The following CYP19A1 variants were observed in gnomAD, a reference collection of about 807,000 sequenced individuals.
CYP19A1 encodes the protein aromatase.
Under a neutral mutation model 44.4 loss-of-function variants are expected in CYP19A1, and 32 were observed. The ratio of observed to expected loss-of-function variants is 0.72; its 90% CI spans 0.54 to 0.97. The LOEUF (loss-of-function observed/expected upper bound fraction) is 0.97. Among genes scored for constraint, CYP19A1 ranks in the 50% least tolerant of loss-of-function variants. The probability of loss-of-function intolerance (pLI) is 0.00; values close to 1 mark genes in which losing one functional copy is unlikely to be tolerated. For missense variants in CYP19A1, 598 were observed against 637.8 expected (o/e 0.94, Z 0.67); for synonymous variants, 212 against 215.6 (o/e 0.98, Z 0.14).
rs3759811 is a variant in CYP19A1 at position 51,237,068 on chromosome 15, T to C, written c.146-59A>G. 753,800 of 1,594,836 alleles carry C rather than the reference T, an allele frequency of 0.47. 184,042 individuals carry two copies. The highest frequency in any genetic ancestry group is 0.51 in the Non-Finnish European group (594,665 of 1,164,812). On this transcript the variant is annotated intron_variant, in intron 2 of 9. Transcript: ENST00000396402. ...AGTTACACCAAAAATTGCAACTGTT[T>C]TGTGTTACTCCTGTTTTTGTTCTTT...
At chr15:51,319,964 G>A (rs1243006903) in intron 1 of CYP19A1, among the ~76,000 whole-genome samples, 2 of 152,206 alleles carry the variant, frequency 1.3e-5, no homozygotes, top group African/African-American at 4.8e-5. Context: ...CCTTCTGAGG[G>A]TCACAGAGCG....
In CYP19A1 at chr15:51,311,801, C is replaced by G. The variant is rs145027053; in HGVS notation, c.-39+26694G>C. Reference sequence around the variant, plus strand: ...GAGTCAGACCTCTGGGGATTTTAACCCTGGCTCACTGACATGTGTGAGGGC... The same window carrying G: ...GAGTCAGACCTCTGGGGATTTTAACGCTGGCTCACTGACATGTGTGAGGGC... On this transcript the variant is annotated intron_variant, in intron 1 of 9. Coordinates refer to ENST00000396402, the MANE Select transcript of CYP19A1 (RefSeq NM_000103.4). Among the ~76,000 whole-genome samples, 6 of 152,242 alleles carry G rather than the reference C, an allele frequency of 3.9e-5. No individual in the cohort carries two copies. In the East Asian group the frequency reaches 1.2e-3, roughly 29 times the overall value.
At chr15:51,212,218 A>G (rs2031065535) in intron 9 of CYP19A1, 102 bp downstream of exon 9, 2 of 885,618 alleles carry the variant, frequency 2.3e-6, no homozygotes, top group Admixed American at 3.4e-5. Flanking sequence ...GGAATGAGTA[A>G]GAAAAATGAA....
chr15:51,316,567 C>A (rs2036429841), intron 1 of CYP19A1, among the ~76,000 whole-genome samples: 1 of 151,898 alleles, frequency 6.6e-6, no homozygotes, highest in Non-Finnish European at 1.5e-5. Flanking sequence ...TCCCAGTCTC[C>A]CCTATCAATT....
intron 1 of CYP19A1, among the ~76,000 whole-genome samples, chr15:51,290,710 C>G (rs530026002): frequency 2.0e-4 from 30 of 152,354 alleles, no homozygotes; most frequent in African/African-American, 7.2e-4. Context: ...TCAGAATTAA[C>G]GTAGAAGCCC....
At chr15:51,247,625 C>T (rs952080875) in intron 1 of CYP19A1, among the ~76,000 whole-genome samples, 5 of 152,136 alleles carry the variant, frequency 3.3e-5, no homozygotes, top group African/African-American at 4.8e-5. Context: ...GTATGCACCA[C>T]CATGCCCAGT....
At chr15:51,267,669 C>T (rs1031942288) in intron 1 of CYP19A1, among the ~76,000 whole-genome samples, 1 of 152,240 alleles carries the variant, frequency 6.6e-6, no homozygotes, top group Non-Finnish European at 1.5e-5. Flanking sequence ...CAAGCATCCA[C>T]TGTGTTATTG....
intron 1 of CYP19A1, among the ~76,000 whole-genome samples, chr15:51,304,258 T>G (rs1217364918): frequency 6.6e-6 from 1 of 152,210 alleles, no homozygotes; most frequent in Non-Finnish European, 1.5e-5. Context: ...CACTCCCTGG[T>G]GCTAAATTTG....
chr15:51,276,147 G>A (rs994127638), intron 1 of CYP19A1, among the ~76,000 whole-genome samples: 6 of 152,204 alleles, frequency 3.9e-5, no homozygotes, highest in African/African-American at 9.6e-5. Flanking sequence ...GTAAGTGCGT[G>A]TCTCAGAAAT....
intron 2 of CYP19A1, among the ~76,000 whole-genome samples, chr15:51,238,528 G>T (rs1212295057): frequency 6.6e-6 from 1 of 152,082 alleles, no homozygotes. Context: ...TCGCTCTGTT[G>T]CCCAGGCTGT....
intron 1 of CYP19A1, among the ~76,000 whole-genome samples, chr15:51,250,386 T>A (rs947980580): frequency 6.6e-6 from 1 of 152,224 alleles, no homozygotes; most frequent in South Asian, 2.1e-4. Flanking sequence ...ATTGGCTGAC[T>A]ACCAGCAAGC....
chr15:51,297,024 A>G (rs1180510133), intron 1 of CYP19A1, among the ~76,000 whole-genome samples: 1 of 152,196 alleles, frequency 6.6e-6, no homozygotes, highest in Non-Finnish European at 1.5e-5. Context: ...GCAGGAGGCC[A>G]AGACTTTTTG....
rs927059468 is a variant in CYP19A1 at position 51,287,285 on chromosome 15, T to C, written c.-38-44335A>G. ...AGAAAAAACAACCGAGGCTCCTCAG[T>C]CAAGGGAGAAGAAAGCTAAACATTG... On this transcript the variant is annotated intron_variant, in intron 1 of 9. Coordinates refer to ENST00000396402, the MANE Select transcript of CYP19A1 (RefSeq NM_000103.4). Among the ~76,000 whole-genome samples, 8 of 152,266 alleles carry C rather than the reference T, an allele frequency of 5.3e-5. No individual in the cohort carries two copies. In the East Asian group the frequency reaches 1.3e-3, roughly 26 times the overall value.
chr15:51,212,246 A>G (rs2031068438), intron 9 of CYP19A1, 74 bp downstream of exon 9: 1 of 1,050,514 alleles, frequency 9.5e-7, no homozygotes. Context: ...TGGTGCAAAC[A>G]CAAAGAACCA....
At chr15:51,213,982 C>T (rs2031304876) in intron 8 of CYP19A1, among the ~76,000 whole-genome samples, 1 of 152,196 alleles carries the variant, frequency 6.6e-6, no homozygotes, top group African/African-American at 2.4e-5. Flanking sequence ...ATCTACCTTG[C>T]CTGGAAACTT....
At chr15:51,235,088 G>C (rs532135535) in intron 3 of CYP19A1, among the ~76,000 whole-genome samples, 31 of 152,322 alleles carry the variant, frequency 2.0e-4, no homozygotes, top group African/African-American at 7.5e-4. Context: ...AAACACCAGT[G>C]CTTCCAGGAT....
Position 51,211,074 on chromosome 15 carries a change from C to G in CYP19A1, c.1264-18G>C. On this transcript the variant is annotated intron_variant, in intron 9 of 9. Coordinates refer to ENST00000396402, the MANE Select transcript of CYP19A1 (RefSeq NM_000103.4). ...TAAGGAACCTATGAAAATGATCAGA[C>G]AGTTAGCCAGAATATTAAAGGCTAG... 9 of 1,539,292 alleles carry G rather than the reference C, an allele frequency of 5.8e-6. No homozygotes were observed. Among genetic ancestry groups the G allele is most frequent in the Non-Finnish European group, 6.3e-6 (7 of 1,112,152 alleles).
intron 1 of CYP19A1, among the ~76,000 whole-genome samples, chr15:51,270,481 T>C (rs1229283293): frequency 6.6e-6 from 1 of 152,148 alleles, no homozygotes; most frequent in Non-Finnish European, 1.5e-5. Context: ...AAAAACAGCT[T>C]CTAGAAGTTG....
intron 6 of CYP19A1, among the ~76,000 whole-genome samples, chr15:51,218,240 C>T (rs542936651): frequency 5.0e-4 from 76 of 152,234 alleles, no homozygotes; most frequent in African/African-American, 1.7e-3. Flanking sequence ...CAGGATCAGT[C>T]GACCCTTCTC....
Sources: allele counts gnomAD v4.1 joint callset (sites outside exome capture counted in the v4.1 genomes callset), GRCh38; gene constraint gnomAD v4.1.1; transcripts MANE v1.5; gene names NCBI Gene and HGNC (gene_info 2026-07-23, HGNC 2026-07-21).